Variants in LTBP2 observed in about 807,000 individuals in gnomAD.
LTBP2 encodes latent transforming growth factor beta binding protein 2.
A neutral mutation model predicts 210.6 loss-of-function variants in LTBP2; 103 were observed. The ratio of observed to expected loss-of-function variants is 0.49; its 90% CI spans 0.42 to 0.58. LTBP2 has a LOEUF of 0.58. Among genes scored for constraint, LTBP2 ranks in the 20% least tolerant of loss-of-function variants. The pLI, the probability that LTBP2 is intolerant of heterozygous loss-of-function variation, is 0.00. For missense variants in LTBP2, 2,313 were observed against 2,494.5 expected, an observed-to-expected ratio of 0.93 and a Z score of 1.55; for synonymous variants, 1,007 against 1,015.0, an observed-to-expected ratio of 0.99 and a Z score of 0.15.
rs1387071042 is a variant in LTBP2 at position 74,509,746 on chromosome 14, T to C, written c.3265A>G (p.Thr1089Ala). ...ENGYWVNEDG[T>A]ACEDLDECAF... is the part of the protein sequence containing the mutation. Reference sequence around the variant, plus strand: ...TCCCCAGGGTTACCTTCACAGGCAGTGCCGTCTTCATTCACCCAGTACCCG... The same window carrying C: ...TCCCCAGGGTTACCTTCACAGGCAGCGCCGTCTTCATTCACCCAGTACCCG... Residue 1089 changes from threonine (T) to alanine (A), a missense_variant, in exon 21 of 36, where the codon ACT becomes GCT. Physicochemically the swap from Thr to Ala is moderately conservative, Grantham distance 58 (BLOSUM62 0). Coordinates refer to ENST00000261978, the MANE Select transcript of LTBP2 (RefSeq NM_000428.3). 9.3e-6 allele frequency: 15 copies of C among 1,613,946 alleles called. No individual in the cohort carries two copies. The highest frequency in any genetic ancestry group is 1.3e-5 in the Non-Finnish European group (15 of 1,180,028).
intron 1 of LTBP2, among the ~76,000 whole-genome samples, chr14:74,605,551 C>T (rs1324693615): frequency 6.6e-6 from 1 of 152,224 alleles, no homozygotes; most frequent in Non-Finnish European, 1.5e-5. Context: ...GTCACCACCC[C>T]TTGTGGTGGT....
Position 74,611,871 on chromosome 14 carries a change from G to A in LTBP2, c.74C>T (p.Thr25Ile). 2 of 1,609,536 alleles carry A rather than the reference G, an allele frequency of 1.2e-6. No homozygotes were observed. Among genetic ancestry groups the A allele is most frequent in the Non-Finnish European group, 1.7e-6 (2 of 1,179,280 alleles). The change falls in exon 1 of 36, where the codon ACC (threonine) becomes ATC (isoleucine). Residue 25 changes from threonine to isoleucine, a missense_variant. By Grantham distance (89) the Thr-to-Ile change is moderately conservative. Around this residue, in one of 3 missense-constraint regions of LTBP2, gnomAD observed 1,867 missense variants for 1,976.9 expected, o/e 0.94. Transcript: ENST00000261978. ...RNPWRGFLPL[T>I]LALFVGAGHA... ...ACCCGCGCCCACGAAGAGAGCCAGG[G>A]TGAGCGGCAGGAAGCCTCTCCAGGG...
At chr14:74,607,518 G>C (rs905402320) in intron 1 of LTBP2, among the ~76,000 whole-genome samples, 1 of 152,114 alleles carries the variant, frequency 6.6e-6, no homozygotes, top group South Asian at 2.1e-4. Flanking sequence ...TTTAGAAAAA[G>C]TAATTCATCT....
intron 25 of LTBP2, among the ~76,000 whole-genome samples, chr14:74,507,712 A>G (rs1206555661): frequency 1.3e-5 from 2 of 152,252 alleles, no homozygotes; most frequent in African/African-American, 4.8e-5. Flanking sequence ...AGCAAAAGAC[A>G]TTGAGCATAG....
chr14:74,502,948 G>T lies in LTBP2; in HGVS notation c.4889-14C>A. The T allele has an allele frequency of 6.2e-7, 1 of 1,609,888 alleles. No homozygotes were observed. The highest frequency in any genetic ancestry group is 2.2e-5 in the East Asian group (1 of 44,866). ...GAGCATAGACCTCTGTCAGGGAGGA[G>T]GGAGAGAAGGAGCTGGGTTCTAGCT... On this transcript the variant is annotated splice_polypyrimidine_tract_variant and intron_variant, in intron 33 of 35. Transcript: ENST00000261978.
intron 30 of LTBP2, 54 bp from the exon 31 acceptor site, chr14:74,504,108 C>A (rs1057494958): frequency 1.7e-5 from 28 of 1,601,706 alleles, no homozygotes; most frequent in African/African-American, 2.7e-5. Flanking sequence ...ATGAGGGGTA[C>A]CTAGAGCAGG....
In LTBP2 at chr14:74,612,017, C is replaced by T. The variant is rs1468969967; in HGVS notation, c.-73G>A. ...TTGTGGTCGGCACGCTGGACGCCCG[C>T]GGGCTGTTCTCCCGGCCCCGCCCGG... On this transcript the variant is annotated 5_prime_UTR_variant, in exon 1 of 36. Coordinates refer to ENST00000261978, the MANE Select transcript of LTBP2 (RefSeq NM_000428.3). 2 of 1,403,068 alleles carry T rather than the reference C, an allele frequency of 1.4e-6. No individual in the cohort carries two copies. Among genetic ancestry groups the T allele is most frequent in the South Asian group, 1.5e-5 (1 of 64,540 alleles). The allele number at this position is 1,403,068 out of a possible 1,614,324, so 86.9% of individuals were successfully genotyped here.
In LTBP2 at chr14:74,498,969, A is replaced by AT. The variant is rs1256303109; in HGVS notation, c.*1914dup. Reference sequence around the variant, plus strand: ...GCAGTAATAACTTCTTACGTATGTCATTTTATATCTGGTGAAAATATATCT... The same window carrying AT: ...GCAGTAATAACTTCTTACGTATGTCATTTTTATATCTGGTGAAAATATATCT... On this transcript the variant is annotated 3_prime_UTR_variant, in exon 36 of 36. Transcript: ENST00000261978. 4.5e-6 allele frequency: 1 copy of AT among 222,054 alleles called. No individual in the cohort carries two copies. The highest frequency in any genetic ancestry group is 9.0e-6 in the Non-Finnish European group (1 of 111,190). The allele number at this position is 222,054 out of a possible 1,614,324, so 13.8% of individuals were successfully genotyped here. A position where few individuals can be genotyped will look rare whatever the true frequency, so the allele number is the denominator to read the frequency against.
In LTBP2 at chr14:74,526,215, A is replaced by G. The variant is rs556722974; in HGVS notation, c.2389-101T>C. The G allele has an allele frequency of 2.9e-4, 336 of 1,159,652 alleles. 1 individual carries two copies. The African/African-American group carries it at 4.7e-3, about 16-fold the overall frequency. The allele number at this position is 1,159,652 out of a possible 1,614,324, so 71.8% of individuals were successfully genotyped here. ...CCCCACCTCCGGGCTTCCTACCAGG[A>G]GCTCATTCATGTTTTCATTCATTCC... On this transcript the variant is annotated intron_variant, in intron 13 of 35. Coordinates refer to ENST00000261978, the MANE Select transcript of LTBP2 (RefSeq NM_000428.3).
intron 3 of LTBP2, among the ~76,000 whole-genome samples, chr14:74,565,536 T>A (rs1310913598): frequency 3.3e-5 from 5 of 152,134 alleles, no homozygotes; most frequent in Admixed American, 2.6e-4. Context: ...TGACTTGGAC[T>A]AATAGGTGGA....
chr14:74,580,455 A>C (rs2088121210), intron 3 of LTBP2, among the ~76,000 whole-genome samples: 1 of 152,194 alleles, frequency 6.6e-6, no homozygotes, highest in African/African-American at 2.4e-5. Flanking sequence ...AGGCCACGTG[A>C]TGACTGAGGC....
intron 3 of LTBP2, among the ~76,000 whole-genome samples, chr14:74,564,982 T>C (rs1276191446): frequency 6.6e-6 from 1 of 152,184 alleles, no homozygotes; most frequent in African/African-American, 2.4e-5. Context: ...GATTAAAGAA[T>C]AGGTCTGTGC....
chr14:74,511,108 G>A (rs2087065718), intron 19 of LTBP2, 137 bp downstream of exon 19: 1 of 1,402,580 alleles, frequency 7.1e-7, no homozygotes, highest in South Asian at 1.2e-5. Flanking sequence ...CGTCATCTGG[G>A]AACCCAGCTA....
At chr14:74,604,194 CA>C (rs1250822706) in intron 1 of LTBP2, among the ~76,000 whole-genome samples, 36 of 127,478 alleles carry the variant, frequency 2.8e-4, no homozygotes, top group Admixed American at 9.8e-4. Context: ...ACCACACACA[CA>C]AAAAAACACC....
At chr14:74,595,606 G>A (rs2139798991) in intron 2 of LTBP2, among the ~76,000 whole-genome samples, 1 of 152,266 alleles carries the variant, frequency 6.6e-6, no homozygotes, top group South Asian at 2.1e-4. Context: ...CCAGCCCCGC[G>A]CCCAGGCCCA....
At position 74,508,909 on chromosome 14, in the gene LTBP2, G is replaced by A. The variant is rs370944530; in HGVS notation, c.3447C>T (p.Gly1149=). The A allele has an allele frequency of 1.1e-5, 18 of 1,613,644 alleles. No homozygotes were observed. Among genetic ancestry groups the A allele is most frequent in the Middle Eastern group, 1.6e-4 (1 of 6,084 alleles). ...AGGAGCCCACAGTGTTCTTGCACTC[G>A]CCTCCCAGGCAGCTGCTCTGGGGGT... ...CEDPQSSCLG[G]ECKNTVGSYQ... The change falls in exon 23 of 36, where the codon GGC becomes GGT. Residue 1149 remains glycine, a synonymous_variant. Coordinates refer to ENST00000261978, the MANE Select transcript of LTBP2 (RefSeq NM_000428.3).
intron 3 of LTBP2, among the ~76,000 whole-genome samples, chr14:74,566,752 G>A (rs977926182): frequency 2.0e-5 from 3 of 152,086 alleles, no homozygotes; most frequent in Admixed American, 6.5e-5. Context: ...CCTCTCCCCC[G>A]TGTCCCCAAG....
intron 2 of LTBP2, among the ~76,000 whole-genome samples, chr14:74,593,586 G>A (rs912618518): frequency 2.0e-5 from 3 of 152,162 alleles, no homozygotes; most frequent in Admixed American, 2.0e-4. Context: ...CTGTAGCCAC[G>A]AACTGTATGT....
At chr14:74,580,908 G>A (rs754175242) in intron 3 of LTBP2, among the ~76,000 whole-genome samples, 1 of 152,148 alleles carries the variant, frequency 6.6e-6, no homozygotes, top group Non-Finnish European at 1.5e-5. Flanking sequence ...GCAGTGAGCT[G>A]TGACACTACA....
Sources: gnomAD v4.1 joint callset for allele counts (sites outside exome capture counted in the v4.1 genomes callset) on GRCh38, gnomAD v4.1.1 for gene constraint, gnomAD v4.1.1 regional missense constraint, MANE v1.5 for transcripts, NCBI Gene and HGNC (gene_info 2026-07-23, HGNC 2026-07-21) for gene names.